BHMT2: variants seen among roughly 807,000 people sequenced by gnomAD.
The protein encoded by BHMT2 is betaine--homocysteine S-methyltransferase 2.
BHMT2 carries 28 observed loss-of-function variants against 39.0 expected under a neutral mutation model. The ratio of observed to expected loss-of-function variants is 0.72; its 90% CI spans 0.53 to 0.98. The LOEUF (loss-of-function observed/expected upper bound fraction) is 0.98, where lower values mean the gene tolerates loss of function less well. Ranked by LOEUF, BHMT2 falls within the 50% of genes least tolerant of loss-of-function variation. The pLI, the probability that BHMT2 is intolerant of heterozygous loss-of-function variation, is 0.00. For synonymous variants in BHMT2, 145 were observed against 160.6 expected, an observed-to-expected ratio of 0.90 and a Z score of 0.74; for missense variants, 410 against 455.6, an observed-to-expected ratio of 0.90 and a Z score of 0.91.
intron 1 of BHMT2, among the ~76,000 whole-genome samples, chr5:79,071,477 T>A (rs138939760): frequency 1.3e-5 from 2 of 152,356 alleles, no homozygotes; most frequent in East Asian, 3.9e-4. Flanking sequence ...TAGAGCTCGC[T>A]GTCAGATGCA....
intron 1 of BHMT2, among the ~76,000 whole-genome samples, chr5:79,073,442 T>C (rs1411104420): frequency 2.0e-5 from 3 of 152,242 alleles, no homozygotes; most frequent in Non-Finnish European, 4.4e-5. Flanking sequence ...AGCCAGACTT[T>C]GAGCTTGTGG....
intron 1 of BHMT2, among the ~76,000 whole-genome samples, chr5:79,075,003 C>A (rs1043058571): frequency 6.6e-6 from 1 of 152,114 alleles, no homozygotes; most frequent in Non-Finnish European, 1.5e-5. Context: ...GGTTGGCAAA[C>A]GCTTTCTGTA....
intron 7 of BHMT2, among the ~76,000 whole-genome samples, chr5:79,084,690 A>G (rs1248146758): frequency 1.3e-5 from 2 of 152,176 alleles, no homozygotes; most frequent in East Asian, 3.9e-4. Context: ...CAATCAGACC[A>G]TGGCACAGAG....
At chr5:79,080,586 C>A in intron 3 of BHMT2, 101 bp from the exon 4 acceptor site, 1 of 1,069,852 alleles carries the variant, frequency 9.3e-7, no homozygotes, top group Non-Finnish European at 1.3e-6. Context: ...AAGAGAGTGG[C>A]TTATACTCAT....
In BHMT2 at chr5:79,077,567, G is replaced by C; in HGVS notation, c.121G>C (p.Ala41Pro). Reference sequence around the variant, plus strand: ...TCTGGAGAAGAGAGGCTATGTGAAGGCTGGGCTCTGGACTCCAGAGGCAGT... The same window carrying C: ...TCTGGAGAAGAGAGGCTATGTGAAGCCTGGGCTCTGGACTCCAGAGGCAGT... ...ITLEKRGYVK[A>P]GLWTPEAVIE... Residue 41 changes from alanine (A) to proline (P), a missense_variant, in exon 2 of 8, where the codon GCT becomes CCT. By Grantham distance (27) the Ala-to-Pro change is conservative. Coordinates refer to ENST00000255192, the MANE Select transcript of BHMT2 (RefSeq NM_017614.5). 2 of 1,613,988 alleles carry C rather than the reference G, an allele frequency of 1.2e-6. No homozygotes were observed. Among genetic ancestry groups the C allele is most frequent in the South Asian group, 1.1e-5 (1 of 91,058 alleles).
intron 7 of BHMT2, among the ~76,000 whole-genome samples, chr5:79,086,143 C>T (rs1755889212): frequency 6.6e-6 from 1 of 152,184 alleles, no homozygotes; most frequent in African/African-American, 2.4e-5. Flanking sequence ...TCCAGATATA[C>T]TCTGATTTGG....
intron 7 of BHMT2, among the ~76,000 whole-genome samples, chr5:79,084,173 T>C (rs1488728686): frequency 1.3e-5 from 2 of 152,210 alleles, no homozygotes; most frequent in African/African-American, 2.4e-5. Context: ...AGGCCATCTA[T>C]AAGGAAGCAG....
At position 79,082,398 on chromosome 5, in the gene BHMT2, C is replaced by T. The variant is rs983349513; in HGVS notation, c.451-411C>T. The T allele has an allele frequency of 3.6e-5, 6 of 165,512 alleles. No homozygotes were observed. The South Asian group carries it at 7.9e-4, about 22-fold the overall frequency. The allele number at this position is 165,512 out of a possible 1,614,324, so 10.3% of individuals were successfully genotyped here. On this transcript the variant is annotated intron_variant, in intron 4 of 7. Transcript: ENST00000255192. ...AATATAAAAGCTCTTTGAACTATAACACATGATAAGCTACTCATTGTTTCA... is the reference window on the plus strand; with the variant it reads ...AATATAAAAGCTCTTTGAACTATAATACATGATAAGCTACTCATTGTTTCA...
chr5:79,083,588 G>T (rs370399510), intron 6 of BHMT2, 40 bp from the exon 7 acceptor site: 1 of 1,602,788 alleles, frequency 6.2e-7, no homozygotes, highest in Non-Finnish European at 8.5e-7. Flanking sequence ...ATTTGAAAAT[G>T]AGAACAGTAA....
chr5:79,078,137 G>A (rs181420328), intron 2 of BHMT2: 1 of 152,316 alleles, frequency 6.6e-6, no homozygotes, highest in East Asian at 1.9e-4. Flanking sequence ...AATGTGCATG[G>A]TTAAGTGTAA....
At chr5:79,076,038 T>C (rs6453429) in intron 1 of BHMT2, among the ~76,000 whole-genome samples, 128,698 of 152,222 alleles carry the variant, frequency 0.85, 54,600 homozygotes, top group East Asian at 0.93. Flanking sequence ...TTCTGTATCC[T>C]GGGGTTCTTG....
rs1580257092 is a variant in BHMT2 at position 79,088,769 on chromosome 5, A to C, written c.*195A>C. The stretch of plus-strand genomic sequence containing the variant: ...AGCTCCTGCTGTGGTTAAGCACTGC[A>C]ACAGACTCTACCAGAGATGCAAAGA... On this transcript the variant is annotated 3_prime_UTR_variant, in exon 8 of 8. Coordinates refer to ENST00000255192, the MANE Select transcript of BHMT2 (RefSeq NM_017614.5). The C allele has an allele frequency of 2.0e-6, 1 of 511,108 alleles. No homozygotes were observed. Among genetic ancestry groups the C allele is most frequent in the East Asian group, 3.4e-5 (1 of 29,486 alleles). The allele number at this position is 511,108 out of a possible 1,614,324, so 31.7% of individuals were successfully genotyped here.
At chr5:79,072,103 C>T (rs1468539221) in intron 1 of BHMT2, among the ~76,000 whole-genome samples, 1 of 151,936 alleles carries the variant, frequency 6.6e-6, no homozygotes, top group East Asian at 1.9e-4. Flanking sequence ...CCTGTCTCTA[C>T]TAAAAAATAC....
rs73769933 is a variant in BHMT2, at chr5:79,085,983, C to T, written c.1010+2127C>T. On this transcript the variant is annotated intron_variant, in intron 7 of 7. Coordinates refer to ENST00000255192, the MANE Select transcript of BHMT2 (RefSeq NM_017614.5). ...CTTGCCTGGCACCCTGATAGGAAGC[C>T]GGCATCCTCTGACCCTGGCAGATCT... Among the ~76,000 whole-genome samples the T allele has an allele frequency of 2.0e-3, 307 of 152,258 alleles. 1 individual carries two copies. The highest frequency in any genetic ancestry group is 7.1e-3 in the African/African-American group (294 of 41,548).
intron 7 of BHMT2, among the ~76,000 whole-genome samples, chr5:79,087,169 C>A (rs888321933): frequency 1.3e-5 from 2 of 151,276 alleles, no homozygotes; most frequent in African/African-American, 4.8e-5. Context: ...CTTATTTATT[C>A]ATTTCAGTGG....
At position 79,083,385 on chromosome 5, in the gene BHMT2, G is replaced by A; in HGVS notation, c.781+11G>A. On this transcript the variant is annotated intron_variant, in intron 6 of 7. Transcript: ENST00000255192. ...CAGAATATCCCTTTGGTAAGCTCAG[G>A]TGCATAGTAGAGGTCCTTGTATTTC... The A allele has an allele frequency of 6.3e-7, 1 of 1,575,392 alleles. No homozygotes were observed. The highest frequency in any genetic ancestry group is 1.2e-5 in the South Asian group (1 of 85,246).
At chr5:79,082,683 C>A in intron 4 of BHMT2, 126 bp from the exon 5 acceptor site, 3 of 1,111,678 alleles carry the variant, frequency 2.7e-6, no homozygotes, top group Non-Finnish European at 2.6e-6. Context: ...CATTCCTTAG[C>A]AAGTTTTATT....
At chr5:79,085,831 A>G (rs902800387) in intron 7 of BHMT2, among the ~76,000 whole-genome samples, 6 of 152,238 alleles carry the variant, frequency 3.9e-5, no homozygotes, top group African/African-American at 1.4e-4. Flanking sequence ...AGGAGAGGCC[A>G]GCGCGCTGCT....
intron 1 of BHMT2, among the ~76,000 whole-genome samples, chr5:79,072,190 C>T (rs1314609278): frequency 6.6e-6 from 1 of 151,956 alleles, no homozygotes; most frequent in South Asian, 2.1e-4. Context: ...TTGCTTGAAC[C>T]CTGGAGGTGG....
Sources: allele counts gnomAD v4.1 joint callset (sites outside exome capture counted in the v4.1 genomes callset), GRCh38; gene constraint gnomAD v4.1.1; transcripts MANE v1.5; gene names NCBI Gene and HGNC (gene_info 2026-07-23, HGNC 2026-07-21).